The following RNF145 variants were observed in gnomAD, a reference collection of about 807,000 sequenced individuals.
The protein encoded by RNF145 is ring finger protein 145.
RNF145 carries 12 observed loss-of-function variants against 57.3 expected under a neutral mutation model. The ratio of observed to expected loss-of-function variants is 0.21; its 90% confidence interval spans 0.13 to 0.34. The LOEUF (loss-of-function observed/expected upper bound fraction) is 0.34. Ranked by LOEUF, RNF145 falls within the 10% of genes least tolerant of loss-of-function variation. The pLI is 1.00. For missense variants in RNF145, 429 were observed against 799.0 expected (o/e 0.54, Z 5.58); for synonymous variants, 262 against 288.3 (o/e 0.91, Z 0.92).
At chr5:159,179,692 C>A in intron 4 of RNF145, among the ~76,000 whole-genome samples, 1 of 152,016 alleles carries the variant, frequency 6.6e-6, no homozygotes, top group East Asian at 1.9e-4. Context: ...TGGCAAATAT[C>A]TTCATTATTG....
At position 159,161,296 on chromosome 5, in the gene RNF145, T is replaced by C. The variant is rs1001572778; in HGVS notation, c.1596A>G (p.Lys532=). 2.5e-6 allele frequency: 4 copies of C among 1,612,646 alleles called. No individual in the cohort carries two copies. The highest frequency in any genetic ancestry group is 2.2e-5 in the South Asian group (2 of 90,994). ...LPIATKEQLE[K]HNDICAICYQ... Reference sequence around the variant, plus strand: ...AACAGATGGCACAAATATCATTGTGTTTCTCAAGCTGCTCTTTCGTAGCAA... The same window carrying C: ...AACAGATGGCACAAATATCATTGTGCTTCTCAAGCTGCTCTTTCGTAGCAA... The change falls in exon 10 of 11, where the codon AAA becomes AAG. Residue 532 remains lysine (K), a synonymous_variant. Coordinates refer to ENST00000424310, the MANE Select transcript of RNF145 (RefSeq NM_001199383.2).
Position 159,169,060 on chromosome 5 carries a change from A to G in RNF145, c.939-5T>C, listed in dbSNP as rs1784468878. 9.8e-6 allele frequency: 15 copies of G among 1,535,996 alleles called. No homozygotes were observed. Among genetic ancestry groups the G allele is most frequent in the Non-Finnish European group, 1.3e-5 (15 of 1,147,030 alleles). On this transcript the variant is annotated splice_polypyrimidine_tract_variant and splice_region_variant and intron_variant, in intron 7 of 10. Coordinates refer to ENST00000424310, the MANE Select transcript of RNF145 (RefSeq NM_001199383.2). The stretch of plus-strand genomic sequence containing the variant: ...GTTACTCCTTCTGTCATGCCCCTAA[A>G]AAAAGCATACATTTTCAGAAAACAT...
chr5:159,196,095 CT>C (rs1470150818), intron 2 of RNF145, among the ~76,000 whole-genome samples: 1 of 152,130 alleles, frequency 6.6e-6, no homozygotes, highest in Admixed American at 6.6e-5. Flanking sequence ...TACTACCATC[CT>C]TCTTTCAGTC....
At chr5:159,185,844 T>C (rs1785036426) in intron 3 of RNF145, among the ~76,000 whole-genome samples, 1 of 152,316 alleles carries the variant, frequency 6.6e-6, no homozygotes, top group Middle Eastern at 3.4e-3. Flanking sequence ...AAGGCACTAA[T>C]AAACTGAAAA....
intron 3 of RNF145, among the ~76,000 whole-genome samples, chr5:159,182,555 T>C (rs1784926747): frequency 6.6e-6 from 1 of 152,102 alleles, no homozygotes; most frequent in African/African-American, 2.4e-5. Flanking sequence ...CCTTAAAAAT[T>C]ATCATTTTCA....
At chr5:159,176,896 T>G (rs777545828) in intron 4 of RNF145, 29 bp from the exon 5 acceptor site, 1 of 1,338,468 alleles carries the variant, frequency 7.5e-7, no homozygotes, top group East Asian at 2.3e-5. Flanking sequence ...TACATTTAAT[T>G]TTGAGTATTT....
chr5:159,183,694 C>T (rs1784968980), intron 3 of RNF145, among the ~76,000 whole-genome samples: 1 of 152,100 alleles, frequency 6.6e-6, no homozygotes, highest in Admixed American at 6.6e-5. Flanking sequence ...AGTGTCAGTA[C>T]TATCCAGACC....
At chr5:159,204,769 A>G (rs1156676471) in intron 1 of RNF145, among the ~76,000 whole-genome samples, 1 of 134,094 alleles carries the variant, frequency 7.5e-6, no homozygotes, top group Non-Finnish European at 1.5e-5. Flanking sequence ...ACAATACTGC[A>G]CTCCAGCCTA....
chr5:159,194,062 G>A (rs1238720041), intron 3 of RNF145, among the ~76,000 whole-genome samples: 1 of 152,148 alleles, frequency 6.6e-6, no homozygotes, highest in Non-Finnish European at 1.5e-5. Context: ...AGATCTAGCA[G>A]ACTTAGGTAC....
chr5:159,162,213 C>T lies in RNF145; in HGVS notation c.1270-591G>A, dbSNP rs945818381. ...CATATACATATATATTTATATACAT[C>T]GTGGAACTATTGGTATTTTTGAGTG... is the stretch of plus-strand genomic sequence containing the variant. On this transcript the variant is annotated intron_variant, in intron 9 of 10. Transcript: ENST00000424310. Among the ~76,000 whole-genome samples, 20 of 152,168 alleles carry T rather than the reference C, an allele frequency of 1.3e-4. No homozygotes were observed. In the East Asian group the frequency reaches 2.9e-3, roughly 22 times the overall value.
chr5:159,173,296 T>G (rs767374229), intron 6 of RNF145, among the ~76,000 whole-genome samples: 4 of 152,196 alleles, frequency 2.6e-5, no homozygotes, highest in Non-Finnish European at 5.9e-5. Flanking sequence ...ATTTTATGTA[T>G]AGCCCAAGAC....
intron 2 of RNF145, among the ~76,000 whole-genome samples, chr5:159,201,295 G>A (rs776199727): frequency 4.6e-5 from 7 of 152,114 alleles, no homozygotes; most frequent in Admixed American, 2.0e-4. Context: ...AGCATACACC[G>A]ACGGACCACT....
rs183326081 is a variant in RNF145 at position 159,172,986 on chromosome 5, T to A, written c.797+997A>T. ...ATTCATGTACTAGATTCTGAGAATG[T>A]GAGATTCAAACTCAAGAGTGGAAAA... On this transcript the variant is annotated intron_variant, in intron 6 of 10. Coordinates refer to ENST00000424310, the MANE Select transcript of RNF145 (RefSeq NM_001199383.2). 1.1e-4 allele frequency among the ~76,000 whole-genome samples: 16 copies of A among 152,298 alleles called. No homozygotes were observed. In the East Asian group the frequency reaches 3.1e-3, roughly 29 times the overall value.
intron 1 of RNF145, among the ~76,000 whole-genome samples, chr5:159,208,705 G>A (rs892713244): frequency 2.0e-5 from 3 of 152,080 alleles, no homozygotes; most frequent in African/African-American, 7.2e-5. Context: ...AAGAGGGAGG[G>A]GAGCTTGGAA....
At chr5:159,172,216 C>T (rs533392876) in intron 6 of RNF145, among the ~76,000 whole-genome samples, 2 of 152,252 alleles carry the variant, frequency 1.3e-5, no homozygotes, top group East Asian at 3.9e-4. Context: ...TCAGGCCGGG[C>T]GTGGTGGTTC....
At chr5:159,193,005 C>G (rs1157600912) in intron 3 of RNF145, among the ~76,000 whole-genome samples, 2 of 152,080 alleles carry the variant, frequency 1.3e-5, no homozygotes, top group Non-Finnish European at 2.9e-5. Context: ...CGGGGTAAGG[C>G]CACAGGAACA....
rs968365937 is a variant in RNF145, at chr5:159,209,252, C to T, written c.-61G>A. 9.4e-5 allele frequency: 93 copies of T among 985,214 alleles called. No individual in the cohort carries two copies. The highest frequency in any genetic ancestry group is 1.1e-4 in the Non-Finnish European group (91 of 829,838). The allele number at this position is 985,214 out of a possible 1,614,324, so 61.0% of individuals were successfully genotyped here. On this transcript the variant is annotated 5_prime_UTR_variant, in exon 1 of 11. Transcript: ENST00000424310. ...TCACCTCAGGCTGCGGACTCCCTCC[C>T]TGGGGAGCGGCGCTGCCGGCGGGCG... is the stretch of plus-strand genomic sequence containing the variant.
At chr5:159,161,239 C>A in intron 10 of RNF145, 27 bp downstream of exon 10, 1 of 1,467,452 alleles carries the variant, frequency 6.8e-7, no homozygotes, top group South Asian at 1.2e-5. Context: ...ATGACTTACC[C>A]AAACACATTC....
intron 8 of RNF145, among the ~76,000 whole-genome samples, chr5:159,165,869 T>C (rs1489970864): frequency 6.6e-6 from 1 of 152,252 alleles, no homozygotes; most frequent in African/African-American, 2.4e-5. Flanking sequence ...TCTACTTTCT[T>C]GTTGCATTGG....
Sources: gnomAD v4.1 joint callset for allele counts (sites outside exome capture counted in the v4.1 genomes callset) on GRCh38, gnomAD v4.1.1 for gene constraint, MANE v1.5 for transcripts, NCBI Gene and HGNC (gene_info 2026-07-23, HGNC 2026-07-21) for gene names.